CCNB2: variants seen among roughly 807,000 people sequenced by gnomAD.
CCNB2 encodes cyclin B2.
CCNB2 carries 39 observed loss-of-function variants against 51.1 expected under a neutral mutation model. That is an observed-to-expected ratio of 0.76 (90% confidence interval 0.59 to 1.00). The LOEUF (loss-of-function observed/expected upper bound fraction) is 1.00, where lower values mean the gene tolerates loss of function less well. Among genes scored for constraint, CCNB2 ranks in the 50% least tolerant of loss-of-function variants. CCNB2 has a pLI of 0.00. For missense variants in CCNB2, 472 were observed against 470.3 expected, an observed-to-expected ratio of 1.00 and a Z score of -0.03; for synonymous variants, 174 against 165.5, an observed-to-expected ratio of 1.05 and a Z score of -0.40.
intron 7 of CCNB2, among the ~76,000 whole-genome samples, chr15:59,120,821 A>T (rs936519195): frequency 1.8e-4 from 28 of 152,228 alleles, no homozygotes; most frequent in Admixed American, 1.8e-3. Flanking sequence ...ACAAAACTGC[A>T]CATCTATGAT....
chr15:59,115,773 C>G (rs2140288546), intron 5 of CCNB2: 1 of 152,076 alleles, frequency 6.6e-6, no homozygotes, highest in African/African-American at 2.4e-5. Context: ...TGTTGTTGCC[C>G]ACGCTGGAGT....
intron 7 of CCNB2, among the ~76,000 whole-genome samples, chr15:59,118,781 C>T (rs2079289826): frequency 6.6e-6 from 1 of 152,236 alleles, no homozygotes; most frequent in Non-Finnish European, 1.5e-5. Flanking sequence ...TCTGCCCACA[C>T]CTGCCATCTC....
chr15:59,117,823 A>AT (rs2140289472), intron 7 of CCNB2, among the ~76,000 whole-genome samples: 1 of 152,254 alleles, frequency 6.6e-6, no homozygotes, highest in South Asian at 2.1e-4. Context: ...GGAGAGGGGC[A>AT]TGGGGGCTTG....
chr15:59,106,183 CCATAAG>C (rs573526314), intron 1 of CCNB2, among the ~76,000 whole-genome samples: 141 of 152,254 alleles, frequency 9.3e-4, no homozygotes, highest in Non-Finnish European at 1.7e-3. Flanking sequence ...AGGCTTCTAC[CCATAAG>C]CATTACATTT....
intron 8 of CCNB2, 184 bp from the exon 9 acceptor site, chr15:59,124,583 T>C (rs892736127): frequency 6.7e-6 from 4 of 595,108 alleles, no homozygotes; most frequent in African/African-American, 5.7e-5. Context: ...TATTCATTAA[T>C]GGGGATGGAA....
At chr15:59,113,534 A>G (rs940459102) in intron 3 of CCNB2, among the ~76,000 whole-genome samples, 2 of 152,240 alleles carry the variant, frequency 1.3e-5, no homozygotes, top group African/African-American at 2.4e-5. Flanking sequence ...TTTTAGAAGT[A>G]TAGGTATTAT....
chr15:59,112,829 T>G (rs2079263125), intron 3 of CCNB2, among the ~76,000 whole-genome samples: 1 of 151,532 alleles, frequency 6.6e-6, no homozygotes, highest in Non-Finnish European at 1.5e-5. Context: ...GGTCAGGAGA[T>G]CGAGACCATC....
At chr15:59,123,689 TGG>T (rs1168762299) in intron 8 of CCNB2, 62 bp downstream of exon 8, 2 of 458,982 alleles carry the variant, frequency 4.4e-6, no homozygotes, top group African/African-American at 6.5e-5. Flanking sequence ...GTGTGTATGT[TGG>T]GCGGGGGGGG....
At chr15:59,109,728 T>C (rs1048452726) in intron 3 of CCNB2, among the ~76,000 whole-genome samples, 3 of 152,222 alleles carry the variant, frequency 2.0e-5, no homozygotes, top group Non-Finnish European at 2.9e-5. Flanking sequence ...GGCTCACGCC[T>C]GTAATCCCAG....
At chr15:59,123,697 G>GT (rs1252517463) in intron 8 of CCNB2, 70 bp downstream of exon 8, 1 of 755,902 alleles carries the variant, frequency 1.3e-6, no homozygotes, top group South Asian at 1.5e-5. Flanking sequence ...GTTGGGCGGG[G>GT]GGGGGCGGTG....
At chr15:59,121,002 A>G (rs1185569305) in intron 7 of CCNB2, 9 of 151,846 alleles carry the variant, frequency 5.9e-5, no homozygotes, top group African/African-American at 2.2e-4. Flanking sequence ...CAAATCCAGA[A>G]TGTGAGACAT....
Position 59,125,003 on chromosome 15 carries a change from CAT to C in CCNB2, c.*131_*132del. The C allele has an allele frequency of 1.9e-6, 1 of 520,276 alleles. No individual in the cohort carries two copies. The allele number at this position is 520,276 out of a possible 1,614,324, so 32.2% of individuals were successfully genotyped here. A position where few individuals can be genotyped will look rare whatever the true frequency, so the allele number is the denominator to read the frequency against. On this transcript the variant is annotated 3_prime_UTR_variant, in exon 9 of 9. Transcript: ENST00000288207. ...CCTCTTCTCAGACCAGTTTTCTAAA[CAT>C]ATATTGAGGAAAAATAAAGCGATTG...
intron 3 of CCNB2, among the ~76,000 whole-genome samples, chr15:59,108,216 T>C (rs1369385925): frequency 6.6e-6 from 1 of 152,192 alleles, no homozygotes; most frequent in Non-Finnish European, 1.5e-5. Context: ...TCATGTCCTT[T>C]CGTTAAGGAG....
Position 59,114,390 on chromosome 15 carries a change from G to A in CCNB2, c.268-54G>A, listed in dbSNP as rs951874619. The stretch of plus-strand genomic sequence containing the variant: ...ATTGATATTTAAGCCAGTTGGCTCT[G>A]CATGTATTTATGGTTAAGGCTGCTC... On this transcript the variant is annotated intron_variant, in intron 3 of 8. Coordinates refer to ENST00000288207, the MANE Select transcript of CCNB2 (RefSeq NM_004701.4). 15 of 1,381,196 alleles carry A rather than the reference G, an allele frequency of 1.1e-5. No homozygotes were observed. In the African/African-American group the frequency reaches 1.9e-4, roughly 17 times the overall value. The allele number at this position is 1,381,196 out of a possible 1,614,324, so 85.6% of individuals were successfully genotyped here. A position where few individuals can be genotyped will look rare whatever the true frequency, so the allele number is the denominator to read the frequency against.
chr15:59,111,010 A>G (rs2079255355), intron 3 of CCNB2, among the ~76,000 whole-genome samples: 1 of 152,204 alleles, frequency 6.6e-6, no homozygotes, highest in Non-Finnish European at 1.5e-5. Context: ...TATCTGTCAC[A>G]AAGAGAGATG....
chr15:59,115,540 G>T (rs1266763974), intron 5 of CCNB2: 5 of 151,664 alleles, frequency 3.3e-5, no homozygotes, highest in African/African-American at 1.2e-4. Context: ...CCAAACAATA[G>T]CCCTGCAGAT....
intron 3 of CCNB2, among the ~76,000 whole-genome samples, chr15:59,112,096 C>T (rs1339014297): frequency 2.0e-5 from 3 of 152,130 alleles, no homozygotes; most frequent in African/African-American, 7.2e-5. Context: ...AAGCAATCCA[C>T]CTGCCTCAGC....
At chr15:59,109,086 TG>T (rs1254843304) in intron 3 of CCNB2, among the ~76,000 whole-genome samples, 1 of 152,222 alleles carries the variant, frequency 6.6e-6, no homozygotes, top group Non-Finnish European at 1.5e-5. Context: ...AGTCTTGCTC[TG>T]TCGCCCAGGC....
chr15:59,117,464 A>C (rs997023771), intron 7 of CCNB2, 96 bp downstream of exon 7: 23 of 1,320,738 alleles, frequency 1.7e-5, no homozygotes, highest in African/African-American at 1.6e-4. Flanking sequence ...TCCTTGAAGC[A>C]GTTGGTTTTG....
Sources: gnomAD v4.1 joint callset for allele counts (sites outside exome capture counted in the v4.1 genomes callset) on GRCh38, gnomAD v4.1.1 for gene constraint, MANE v1.5 for transcripts, NCBI Gene and HGNC (gene_info 2026-07-23, HGNC 2026-07-21) for gene names.